The following COL4A4 variants were observed in gnomAD, a reference collection of about 807,000 sequenced individuals.
COL4A4 encodes collagen alpha-4(IV) chain.
COL4A4 carries 105 observed loss-of-function variants against 192.9 expected under a neutral mutation model. The observed-to-expected ratio is 0.54, with a 90% CI of 0.46 to 0.64. The LOEUF (loss-of-function observed/expected upper bound fraction) is 0.64. COL4A4 is among the 30% of genes least tolerant of loss of function. The pLI, the probability that COL4A4 is intolerant of heterozygous loss-of-function variation, is 0.00. For synonymous variants in COL4A4, 762 were observed against 769.9 expected, an observed-to-expected ratio of 0.99 and a Z score of 0.17; for missense variants, 1,967 against 2,169.3, an observed-to-expected ratio of 0.91 and a Z score of 1.85.
At chr2:227,010,935 C>T (rs528884414) in intron 45 of COL4A4, among the ~76,000 whole-genome samples, 1 of 152,336 alleles carries the variant, frequency 6.6e-6, no homozygotes, top group South Asian at 2.1e-4. Flanking sequence ...TCCCCAAAGT[C>T]GGTCTTTCTT....
intron 9 of COL4A4, 67 bp from the exon 10 acceptor site, chr2:227,109,353 C>G: frequency 7.9e-7 from 1 of 1,265,260 alleles, no homozygotes; most frequent in Non-Finnish European, 1.2e-6. Context: ...GAAAGAGTTG[C>G]GTGTGATCCC....
chr2:227,151,506 T>C (rs1236281398), intron 1 of COL4A4, among the ~76,000 whole-genome samples: 1 of 152,094 alleles, frequency 6.6e-6, no homozygotes, highest in African/African-American at 2.4e-5. Flanking sequence ...TTTCCAAAAC[T>C]GTAGGTACTA....
Position 227,057,527 on chromosome 2 carries a change from A to G in COL4A4, c.2457T>C (p.Gly819=), listed in dbSNP as rs1380667177. The G allele has an allele frequency of 6.2e-7, 1 of 1,613,912 alleles. No individual in the cohort carries two copies. The highest frequency in any genetic ancestry group is 8.5e-7 in the Non-Finnish European group (1 of 1,179,962). The change falls in exon 29 of 48, where the codon GGT becomes GGC. Residue 819 remains glycine, a synonymous_variant. Transcript: ENST00000396625. ...AGGAATGGCCAGGTGGACCTGGGAC[A>G]CCTGGAAACCCAGCATGTCCCTCTC... The part of the protein sequence containing the change: ...KGREGHAGFP[G]VPGPPGHSCE...
chr2:227,112,128 C>T (rs926354524), intron 8 of COL4A4, among the ~76,000 whole-genome samples: 1 of 152,174 alleles, frequency 6.6e-6, no homozygotes, highest in Non-Finnish European at 1.5e-5. Context: ...TTGCCTCACA[C>T]CAGCCTCTGT....
rs1161411492 is a variant in COL4A4 at position 227,042,257 on chromosome 2, TG to T, written c.3398-3del. ...TCAGCCCAGGCATCCCGTGATCACC[TG>T]AGGATGACAGGGAAGTTTTGCAGAT... is the stretch of plus-strand genomic sequence containing the variant. On this transcript the variant is annotated splice_polypyrimidine_tract_variant and splice_region_variant and intron_variant, in intron 36 of 47. Transcript: ENST00000396625. 34 of 1,594,838 alleles carry T rather than the reference TG, an allele frequency of 2.1e-5. No homozygotes were observed. Among genetic ancestry groups the T allele is most frequent in the Non-Finnish European group, 2.9e-5 (34 of 1,162,544 alleles).
chr2:227,068,035 T>C (rs1169625273), intron 25 of COL4A4, among the ~76,000 whole-genome samples: 3 of 144,882 alleles, frequency 2.1e-5, no homozygotes, highest in Admixed American at 6.9e-5. Context: ...ATAAAGGGGA[T>C]ATCACCACCG....
the COL4A4 span, among the ~76,000 whole-genome samples, chr2:226,982,318 G>A: frequency 6.6e-6 from 1 of 152,204 alleles, no homozygotes; most frequent in African/African-American, 2.4e-5. Context: ...TAAGGGCTTT[G>A]GACCACTGTG....
chr2:227,129,135 GT>G (rs972570769), intron 4 of COL4A4, among the ~76,000 whole-genome samples: 28 of 152,242 alleles, frequency 1.8e-4, no homozygotes, highest in African/African-American at 6.3e-4. Context: ...TTACCACCCT[GT>G]AAAGCAGAAA....
At chr2:227,110,982 C>G (rs1165817375) in intron 9 of COL4A4, among the ~76,000 whole-genome samples, 1 of 152,280 alleles carries the variant, frequency 6.6e-6, no homozygotes, top group African/African-American at 2.4e-5. Context: ...GCCTGGCCGG[C>G]AAAACTGCTC....
At chr2:227,110,680 C>CTTTTTTTT (rs34785989) in intron 9 of COL4A4, among the ~76,000 whole-genome samples, 1 of 94,286 alleles carries the variant, frequency 1.1e-5, no homozygotes, top group Non-Finnish European at 2.0e-5. Flanking sequence ...CTCACCCAGT[C>CTTTTTTTT]TTTTTTTTTT....
intron 4 of COL4A4, 83 bp downstream of exon 4, chr2:227,140,078 G>A: frequency 7.8e-7 from 1 of 1,284,574 alleles, no homozygotes; most frequent in South Asian, 1.2e-5. Flanking sequence ...AATTTGCCAA[G>A]AATCTGGGAT....
chr2:227,091,622 G>A (rs114597311), intron 20 of COL4A4, among the ~76,000 whole-genome samples: 6,958 of 152,090 alleles, frequency 0.046, 211 homozygotes, highest in East Asian at 0.18. Flanking sequence ...GGCCAGGCAC[G>A]GTGGCTCACA....
At chr2:227,045,277 G>A (rs1252595370) in intron 35 of COL4A4, among the ~76,000 whole-genome samples, 1 of 152,072 alleles carries the variant, frequency 6.6e-6, no homozygotes, top group Non-Finnish European at 1.5e-5. Flanking sequence ...TACAGGTGAG[G>A]CAACTACGCT....
intron 25 of COL4A4, among the ~76,000 whole-genome samples, chr2:227,072,734 G>A (rs1013805917): frequency 6.6e-6 from 1 of 151,930 alleles, no homozygotes; most frequent in African/African-American, 2.4e-5. Context: ...CAGGGATGTA[G>A]GGATGGTTTA....
chr2:226,968,625 C>A, the COL4A4 span, among the ~76,000 whole-genome samples: 1 of 152,188 alleles, frequency 6.6e-6, no homozygotes, highest in Non-Finnish European at 1.5e-5. Flanking sequence ...AAAAGAGCAT[C>A]GCACTTGGAG....
chr2:227,147,285 A>T, intron 2 of COL4A4, 128 bp downstream of exon 2: 1 of 881,226 alleles, frequency 1.1e-6, no homozygotes, highest in East Asian at 2.5e-5. Flanking sequence ...AATGGCAGAC[A>T]TACCCTTAGC....
intron 8 of COL4A4, among the ~76,000 whole-genome samples, chr2:227,112,320 G>C (rs1026649977): frequency 6.6e-6 from 1 of 151,418 alleles, no homozygotes; most frequent in Non-Finnish European, 1.5e-5. Flanking sequence ...CCAGGCTGGA[G>C]TGCAGTGGCG....
chr2:227,109,605 G>T (rs2061071590), intron 9 of COL4A4: 4 of 418,244 alleles, frequency 9.6e-6, no homozygotes, highest in South Asian at 6.0e-5. Flanking sequence ...AAATTAGATG[G>T]GCGTGGTGGC....
rs1182462611 is a variant in COL4A4 at position 227,010,316 on chromosome 2, G to A, written c.4519C>T (p.Leu1507Phe). Residue 1507 changes from leucine (L) to phenylalanine (F), a missense_variant, in exon 46 of 48, where the codon CTT (leucine) becomes TTT (phenylalanine). Transcript: ENST00000396625. ...ATGGGCGATCCTGTATCCATACCAA[G>A]GTCTTGATTGTGAGCTTTCTCTTGC... ...EGQEKAHNQD[L>F]GLAGSCLPVF... The A allele has an allele frequency of 6.2e-7, 1 of 1,614,232 alleles. No individual in the cohort carries two copies. Among genetic ancestry groups the A allele is most frequent in the Non-Finnish European group, 8.5e-7 (1 of 1,180,044 alleles).
Sources: gnomAD v4.1 joint callset for allele counts (sites outside exome capture counted in the v4.1 genomes callset) on GRCh38, gnomAD v4.1.1 for gene constraint, MANE v1.5 for transcripts, NCBI Gene and HGNC (gene_info 2026-07-23, HGNC 2026-07-21) for gene names.